B3GALT1: variants seen among roughly 807,000 people sequenced by gnomAD.
B3GALT1 encodes beta-1,3-galactosyltransferase 1.
B3GALT1 carries 10 observed loss-of-function variants against 23.2 expected under a neutral mutation model. The observed-to-expected ratio is 0.43, with a 90% CI of 0.27 to 0.73. The LOEUF is 0.73. Ranked by LOEUF, B3GALT1 falls within the 30% of genes least tolerant of loss-of-function variation. The pLI is 0.21. For synonymous variants in B3GALT1, 156 were observed against 141.5 expected, an observed-to-expected ratio of 1.10 and a Z score of -0.73; for missense variants, 299 against 405.4, an observed-to-expected ratio of 0.74 and a Z score of 2.25.
At chr2:167,435,930 A>C (rs1574077444) in intron 1 of B3GALT1, among the ~76,000 whole-genome samples, 1 of 149,026 alleles carries the variant, frequency 6.7e-6, no homozygotes, top group African/African-American at 2.5e-5. Context: ...GCTTTTCTCC[A>C]TGTCTACCCT....
intron 2 of B3GALT1, among the ~76,000 whole-genome samples, chr2:167,569,777 G>C (rs1480302756): frequency 3.3e-5 from 5 of 151,898 alleles, no homozygotes; most frequent in Admixed American, 3.3e-4. Flanking sequence ...TGACCACTAA[G>C]TGTAATGGTA....
chr2:167,779,514 C>T (rs560477098), intron 3 of B3GALT1, among the ~76,000 whole-genome samples: 9 of 152,252 alleles, frequency 5.9e-5, no homozygotes, highest in East Asian at 5.8e-4. Context: ...TTTTCTGATG[C>T]GGTTAGCCCT....
chr2:167,618,312 G>T (rs573280750), intron 2 of B3GALT1, among the ~76,000 whole-genome samples: 6 of 152,098 alleles, frequency 3.9e-5, no homozygotes, highest in African/African-American at 1.4e-4. Flanking sequence ...TGGAAAGATT[G>T]CAAAGACAGG....
intron 3 of B3GALT1, among the ~76,000 whole-genome samples, chr2:167,782,185 T>C (rs1688257688): frequency 6.6e-6 from 1 of 152,144 alleles, no homozygotes; most frequent in South Asian, 2.1e-4. Context: ...TGGAGTACAC[T>C]AACGGAGATT....
At chr2:167,615,904 CA>C (rs535102315) in intron 2 of B3GALT1, among the ~76,000 whole-genome samples, 11 of 151,964 alleles carry the variant, frequency 7.2e-5, no homozygotes, top group Non-Finnish European at 1.6e-4. Context: ...CAAAGTTAGA[CA>C]GTTCTAAGTG....
At chr2:167,610,054 AT>A (rs576944391) in intron 2 of B3GALT1, among the ~76,000 whole-genome samples, 2 of 152,232 alleles carry the variant, frequency 1.3e-5, no homozygotes, top group South Asian at 2.1e-4. Context: ...CAAAAAAAAT[AT>A]TTTTTTGAGA....
chr2:167,813,763 C>A (rs1449414634), intron 3 of B3GALT1, among the ~76,000 whole-genome samples: 1 of 152,150 alleles, frequency 6.6e-6, no homozygotes, highest in Non-Finnish European at 1.5e-5. Flanking sequence ...ATTTCTGCTA[C>A]CCAAACTAAT....
intron 3 of B3GALT1, among the ~76,000 whole-genome samples, chr2:167,710,132 A>G (rs888776380): frequency 3.3e-5 from 5 of 152,224 alleles, no homozygotes; most frequent in East Asian, 1.9e-4. Context: ...TGCAAAGGGT[A>G]GACTTAAATG....
At chr2:167,808,639 C>T (rs1558986135) in intron 3 of B3GALT1, among the ~76,000 whole-genome samples, 5 of 151,572 alleles carry the variant, frequency 3.3e-5, no homozygotes, top group Admixed American at 3.3e-4. Context: ...TGTAGAGTTT[C>T]TGCAGAGATA....
chr2:167,871,178 T>A lies in B3GALT1; in HGVS notation c.*1158T>A, dbSNP rs1690339651. ...GGTCCCGTTGATGCCACCATACTTA[T>A]TGGGCCATATGAGTAGGCATCGTAA... is the stretch of plus-strand genomic sequence containing the variant. On this transcript the variant is annotated 3_prime_UTR_variant, in exon 5 of 5. Transcript: ENST00000392690. The A allele has an allele frequency of 6.6e-6, 1 of 152,150 alleles. No homozygotes were observed. Among genetic ancestry groups the A allele is most frequent in the South Asian group, 2.1e-4 (1 of 4,830 alleles). The allele number at this position is 152,150 out of a possible 1,614,324, so 9.4% of individuals were successfully genotyped here.
chr2:167,452,600 G>T (rs1330137191), intron 1 of B3GALT1, among the ~76,000 whole-genome samples: 1 of 152,140 alleles, frequency 6.6e-6, no homozygotes, highest in Non-Finnish European at 1.5e-5. Flanking sequence ...AGAGTCTGTG[G>T]ATTCTCTCAG....
At chr2:167,816,972 A>G (rs960482721) in intron 3 of B3GALT1, among the ~76,000 whole-genome samples, 1 of 152,338 alleles carries the variant, frequency 6.6e-6, no homozygotes, top group South Asian at 2.1e-4. Flanking sequence ...CAAGTGTTGC[A>G]ATACTTTTGA....
intron 1 of B3GALT1, among the ~76,000 whole-genome samples, chr2:167,461,381 T>C (rs1699256728): frequency 6.6e-6 from 1 of 152,188 alleles, no homozygotes; most frequent in South Asian, 2.1e-4. Context: ...AAAACAGTTA[T>C]AGCAGACAGA....
At chr2:167,662,820 C>T (rs957329677) in intron 3 of B3GALT1, among the ~76,000 whole-genome samples, 2 of 151,950 alleles carry the variant, frequency 1.3e-5, no homozygotes, top group African/African-American at 2.4e-5. Context: ...TTAGAACATA[C>T]CAATTTTGTC....
chr2:167,516,776 A>C (rs1700104464), intron 2 of B3GALT1, among the ~76,000 whole-genome samples: 1 of 151,998 alleles, frequency 6.6e-6, no homozygotes, highest in Non-Finnish European at 1.5e-5. Flanking sequence ...TTATGAAACC[A>C]GTACAAACAC....
chr2:167,696,019 C>T (rs1458360857), intron 3 of B3GALT1, among the ~76,000 whole-genome samples: 1 of 152,068 alleles, frequency 6.6e-6, no homozygotes. Context: ...CATGGCCACA[C>T]GTTGCAACAA....
intron 2 of B3GALT1, among the ~76,000 whole-genome samples, chr2:167,610,054 ATT>A (rs576944391): frequency 6.6e-6 from 1 of 152,232 alleles, no homozygotes; most frequent in African/African-American, 2.4e-5. Flanking sequence ...CAAAAAAAAT[ATT>A]TTTTTGAGAG....
chr2:167,585,712 A>G (rs527793160), intron 2 of B3GALT1, among the ~76,000 whole-genome samples: 145 of 152,326 alleles, frequency 9.5e-4, no homozygotes, highest in African/African-American at 3.3e-3. Context: ...TATGTGCTCC[A>G]AAAGGCAGAT....
chr2:167,367,540 A>T (rs549491650), intron 1 of B3GALT1, among the ~76,000 whole-genome samples: 11 of 152,172 alleles, frequency 7.2e-5, no homozygotes, highest in African/African-American at 2.7e-4. Flanking sequence ...AGTGAATAAG[A>T]TATCTTAGAG....
Sources: allele counts gnomAD v4.1 joint callset (sites outside exome capture counted in the v4.1 genomes callset), GRCh38; gene constraint gnomAD v4.1.1; transcripts MANE v1.5; gene names NCBI Gene and HGNC (gene_info 2026-07-23, HGNC 2026-07-21).